Variants in NAA11 observed in about 807,000 individuals in gnomAD.
The protein encoded by NAA11 is N-alpha-acetyltransferase 11, NatA catalytic subunit.
A neutral mutation model predicts 16.1 loss-of-function variants in NAA11; 15 were observed. The ratio of observed to expected loss-of-function variants is 0.93; its 90% CI spans 0.62 to 1.44. The LOEUF is 1.44. Among genes scored for constraint, NAA11 ranks in the 40% most tolerant of loss-of-function variants. The pLI, the probability that NAA11 is intolerant of heterozygous loss-of-function variation, is 0.00. For missense variants in NAA11, 298 were observed against 291.3 expected (o/e 1.02, Z -0.17); for synonymous variants, 122 against 112.4 (o/e 1.09, Z -0.54).
At chr4:79,214,877 C>A in the NAA11 span, among the ~76,000 whole-genome samples, 1 of 152,142 alleles carries the variant, frequency 6.6e-6, no homozygotes, top group Non-Finnish European at 1.5e-5. Context: ...CTGCCTTCCA[C>A]CAGGGAATGA....
chr4:79,297,370 C>T (rs1040698374), intron 1 of NAA11, among the ~76,000 whole-genome samples: 4 of 152,290 alleles, frequency 2.6e-5, no homozygotes, highest in Admixed American at 6.5e-5. Flanking sequence ...CCTGGAGCCC[C>T]GGCCCCAGAT....
chr4:79,183,572 G>A, the NAA11 span, among the ~76,000 whole-genome samples: 1 of 151,970 alleles, frequency 6.6e-6, no homozygotes, highest in Non-Finnish European at 1.5e-5. Flanking sequence ...GCAGAAAGAG[G>A]ATTCCCTCAA....
chr4:79,293,346 G>C (rs1723133564), intron 2 of NAA11, among the ~76,000 whole-genome samples: 1 of 152,130 alleles, frequency 6.6e-6, no homozygotes, highest in African/African-American at 2.4e-5. Flanking sequence ...AAAATTGTAT[G>C]TGAAGCAAAA....
intron 2 of NAA11, among the ~76,000 whole-genome samples, chr4:79,263,082 G>T (rs1204138792): frequency 1.3e-5 from 2 of 152,020 alleles, no homozygotes; most frequent in African/African-American, 4.8e-5. Context: ...TTTAGATAAG[G>T]GAGAGAACAA....
At chr4:79,255,222 TTGA>T (rs1195198641) in intron 2 of NAA11, among the ~76,000 whole-genome samples, 1 of 152,142 alleles carries the variant, frequency 6.6e-6, no homozygotes, top group Non-Finnish European at 1.5e-5. Flanking sequence ...TTTTCCATTG[TTGA>T]TGAATACTTG....
intron 1 of NAA11, among the ~76,000 whole-genome samples, chr4:79,298,849 C>T (rs1387111700): frequency 1.3e-5 from 2 of 152,186 alleles, no homozygotes; most frequent in Admixed American, 6.5e-5. Context: ...ATGGACATCC[C>T]GAAGATCCCA....
At chr4:79,233,262 G>A (rs1352644616) in intron 2 of NAA11, among the ~76,000 whole-genome samples, 4 of 151,950 alleles carry the variant, frequency 2.6e-5, no homozygotes, top group Admixed American at 2.6e-4. Flanking sequence ...CAATTAAAGT[G>A]ACTGTAGAAG....
At chr4:79,256,831 T>G (rs1303480611) in intron 2 of NAA11, among the ~76,000 whole-genome samples, 2 of 151,508 alleles carry the variant, frequency 1.3e-5, no homozygotes, top group African/African-American at 4.9e-5. Context: ...TTTTATATTT[T>G]TTGTTAGAGA....
chr4:79,162,404 C>T, the NAA11 span, among the ~76,000 whole-genome samples: 3 of 152,060 alleles, frequency 2.0e-5, no homozygotes, highest in Non-Finnish European at 2.9e-5. Context: ...ATTGATAAGC[C>T]TCTTGACATG....
At chr4:79,249,529 C>T (rs4485828) in intron 2 of NAA11, among the ~76,000 whole-genome samples, 4,089 of 152,160 alleles carry the variant, frequency 0.027, 201 homozygotes, top group African/African-American at 0.094. Flanking sequence ...GCTCAAACAC[C>T]GGCTCTCTGA....
At chr4:79,238,245 CT>C (rs1721615405) in intron 2 of NAA11, among the ~76,000 whole-genome samples, 1 of 152,264 alleles carries the variant, frequency 6.6e-6, no homozygotes, top group South Asian at 2.1e-4. Context: ...ATTATTTTAG[CT>C]GTTAAAGTCA....
intron 1 of NAA11, among the ~76,000 whole-genome samples, chr4:79,320,000 C>T (rs1220846881): frequency 1.3e-5 from 2 of 152,172 alleles, no homozygotes; most frequent in South Asian, 4.1e-4. Context: ...CTGAAGTAAC[C>T]TTACTTAACT....
At chr4:79,219,627 A>G in the NAA11 span, among the ~76,000 whole-genome samples, 4 of 152,172 alleles carry the variant, frequency 2.6e-5, no homozygotes, top group Non-Finnish European at 5.9e-5. Flanking sequence ...GAAATGCCAA[A>G]CAAACTGAAA....
chr4:79,272,752 A>G (rs899719946), intron 2 of NAA11, among the ~76,000 whole-genome samples: 6 of 151,996 alleles, frequency 3.9e-5, no homozygotes, highest in Non-Finnish European at 8.8e-5. Context: ...GTTACTTAAC[A>G]TTGAACATTT....
At chr4:79,240,020 T>C (rs757633184) in intron 2 of NAA11, among the ~76,000 whole-genome samples, 1 of 152,138 alleles carries the variant, frequency 6.6e-6, no homozygotes, top group Non-Finnish European at 1.5e-5. Context: ...TACCAGGAAA[T>C]GGTGTCAGAT....
At chr4:79,321,968 C>A (rs900273480) in intron 1 of NAA11, among the ~76,000 whole-genome samples, 2 of 152,046 alleles carry the variant, frequency 1.3e-5, no homozygotes, top group African/African-American at 4.8e-5. Context: ...CTAAATGATC[C>A]CTGAATGATA....
At chr4:79,255,851 A>T (rs769224007) in intron 2 of NAA11, among the ~76,000 whole-genome samples, 2 of 152,212 alleles carry the variant, frequency 1.3e-5, no homozygotes, top group African/African-American at 2.4e-5. Context: ...TCATATTTAT[A>T]CCCACTTTTA....
At chr4:79,319,770 A>G (rs1185947499) in intron 1 of NAA11, among the ~76,000 whole-genome samples, 1 of 152,190 alleles carries the variant, frequency 6.6e-6, no homozygotes, top group East Asian at 1.9e-4. Context: ...TTTGAAATCT[A>G]TGGTTTCTGG....
chr4:79,188,574 G>A, the NAA11 span, among the ~76,000 whole-genome samples: 1 of 149,036 alleles, frequency 6.7e-6, no homozygotes, highest in African/African-American at 2.5e-5. Flanking sequence ...GACAGAGCGA[G>A]ACTCCGCCTC....
Sources: gnomAD v4.1 joint callset for allele counts (sites outside exome capture counted in the v4.1 genomes callset) on GRCh38, gnomAD v4.1.1 for gene constraint, MANE v1.5 for transcripts, NCBI Gene and HGNC (gene_info 2026-07-23, HGNC 2026-07-21) for gene names.